The following RNASEH1 variants were observed in gnomAD, a reference collection of about 807,000 sequenced individuals.
The protein encoded by RNASEH1 is ribonuclease H1.
RNASEH1 carries 27 observed loss-of-function variants against 34.6 expected under a neutral mutation model. The ratio of observed to expected loss-of-function variants is 0.78; its 90% CI spans 0.58 to 1.08. RNASEH1 has a LOEUF of 1.08. Ranked by LOEUF, RNASEH1 falls within the 50% of genes least tolerant of loss-of-function variation. The pLI is 0.00. For missense variants in RNASEH1, 349 were observed against 373.6 expected, an observed-to-expected ratio of 0.93 and a Z score of 0.54; for synonymous variants, 162 against 138.4, an observed-to-expected ratio of 1.17 and a Z score of -1.20.
rs1668689267 is a variant in RNASEH1, at chr2:3,545,769, ACT to A, written c.*14_*15del. On this transcript the variant is annotated 3_prime_UTR_variant, in exon 8 of 8. Coordinates refer to ENST00000315212, the MANE Select transcript of RNASEH1 (RefSeq NM_002936.6). ...GCCGCTGGCTCAAGTTCTCCCAAGG[ACT>A]AAAGTCACATGGCTCAGTCTTCCGA... The A allele has an allele frequency of 6.3e-7, 1 of 1,590,366 alleles. No homozygotes were observed. Among genetic ancestry groups the A allele is most frequent in the South Asian group, 1.1e-5 (1 of 90,632 alleles).
chr2:3,550,142 TAAAAAAAA>T (rs1162099553), intron 4 of RNASEH1: 7 of 241,376 alleles, frequency 2.9e-5, no homozygotes, highest in African/African-American at 1.8e-4. Flanking sequence ...GACCGTGTCT[TAAAAAAAA>T]AAAAAAAAAA....
chr2:3,539,647 T>C (rs1163559472), downstream of RNASEH1, among the ~76,000 whole-genome samples: 1 of 152,170 alleles, frequency 6.6e-6, no homozygotes, highest in Non-Finnish European at 1.5e-5. Flanking sequence ...ACCACGATCA[T>C]TGCTACGTGT....
the RNASEH1 span, among the ~76,000 whole-genome samples, chr2:3,534,678 G>A: frequency 0.021 from 3,208 of 152,348 alleles, 109 homozygotes; most frequent in African/African-American, 0.073. Context: ...CAGCCCACTG[G>A]GCCGAATGTG....
At chr2:3,532,075 T>G in the RNASEH1 span, 13 of 589,636 alleles carry the variant, frequency 2.2e-5, 1 homozygote, top group Non-Finnish European at 3.6e-5. Flanking sequence ...GACAAAGAGA[T>G]AAGGAGAGGG....
At chr2:3,546,257 CACT>C (rs1432460289) in intron 7 of RNASEH1, among the ~76,000 whole-genome samples, 6 of 152,094 alleles carry the variant, frequency 3.9e-5, no homozygotes, top group Admixed American at 3.3e-4. Context: ...CTTATTTAAC[CACT>C]GTTTACATTT....
intron 2 of RNASEH1, among the ~76,000 whole-genome samples, chr2:3,552,928 A>G (rs528248933): frequency 6.6e-6 from 1 of 152,254 alleles, no homozygotes; most frequent in South Asian, 2.1e-4. Flanking sequence ...AAGAACCCCT[A>G]GGAGGGCTCA....
intron 7 of RNASEH1, among the ~76,000 whole-genome samples, chr2:3,547,551 G>A (rs142953961): frequency 2.9e-4 from 43 of 150,840 alleles, no homozygotes; most frequent in African/African-American, 1.0e-3. Context: ...GCAGTGGCGC[G>A]ATCTCAGCTC....
the RNASEH1 span, among the ~76,000 whole-genome samples, chr2:3,535,650 G>A: frequency 3.3e-5 from 5 of 151,006 alleles, no homozygotes; most frequent in African/African-American, 1.2e-4. Context: ...GGTGGGGACA[G>A]GGGGACACCT....
chr2:3,551,232 C>A (rs1044428368), intron 3 of RNASEH1, among the ~76,000 whole-genome samples: 1 of 152,196 alleles, frequency 6.6e-6, no homozygotes, highest in East Asian at 1.9e-4. Context: ...CTCACAGGAG[C>A]GGGGCTGAGA....
At chr2:3,532,373 C>A in the RNASEH1 span, 3 of 701,874 alleles carry the variant, frequency 4.3e-6, no homozygotes, top group Non-Finnish European at 7.8e-6. Context: ...CAGAGAGGGC[C>A]CGATCAGAAC....
At chr2:3,555,566 G>T (rs370603317) in intron 2 of RNASEH1, among the ~76,000 whole-genome samples, 1 of 152,164 alleles carries the variant, frequency 6.6e-6, no homozygotes, top group Admixed American at 6.5e-5. Context: ...GGATTGTTAC[G>T]ATGATTCGAA....
At position 3,548,617 on chromosome 2, in the gene RNASEH1, AG is replaced by A. The variant is rs752077031; in HGVS notation, c.649+22del. On this transcript the variant is annotated intron_variant, in intron 6 of 7. Transcript: ENST00000315212. ...CCTTCACAGTTACTGGAAAAACAGA[AG>A]AAATCAAATGTGAAAGCTTACCATT... The A allele has an allele frequency of 2.0e-5, 30 of 1,493,848 alleles. 1 individual carries two copies. In the Admixed American group the frequency reaches 4.4e-4, roughly 22 times the overall value. 92.5% of individuals were successfully genotyped at this position (1,493,848 alleles called of 1,614,324 possible). A position where few individuals can be genotyped will look rare whatever the true frequency, so the allele number is the denominator to read the frequency against.
chr2:3,539,242 T>C (rs928873031), downstream of RNASEH1, among the ~76,000 whole-genome samples: 15 of 152,216 alleles, frequency 9.9e-5, no homozygotes, highest in African/African-American at 3.6e-4. Flanking sequence ...GCTTTTAATA[T>C]ACACGAATCT....
chr2:3,537,507 G>T (rs947066861), downstream of RNASEH1, among the ~76,000 whole-genome samples: 1 of 152,146 alleles, frequency 6.6e-6, no homozygotes, highest in African/African-American at 2.4e-5. Context: ...AGAATTGCTT[G>T]AGCCCAGAAG....
chr2:3,535,780 C>T, the RNASEH1 span, among the ~76,000 whole-genome samples: 4 of 152,210 alleles, frequency 2.6e-5, no homozygotes, highest in Non-Finnish European at 4.4e-5. Flanking sequence ...TGGCTGCTAC[C>T]TGGAGAGGGA....
At chr2:3,532,280 A>C in the RNASEH1 span, 1 of 702,390 alleles carries the variant, frequency 1.4e-6, no homozygotes, top group Non-Finnish European at 2.6e-6. Context: ...CGTTTGACAA[A>C]GAAACAGTAG....
At chr2:3,545,904 C>T (rs374187564) in intron 7 of RNASEH1, 33 bp from the exon 8 acceptor site, 14 of 1,470,876 alleles carry the variant, frequency 9.5e-6, no homozygotes, top group Middle Eastern at 1.7e-4. Flanking sequence ...TTTATTTTTA[C>T]TCATCTTTAC....
At position 3,544,530 on chromosome 2, in the gene RNASEH1, A is replaced by G. The variant is rs1169269425; in HGVS notation, c.*1255T>C. ...AAAAACCAAGAAAGTCATTTCTGTA[A>G]AAGTCAGGATTACTTGTTGGGGCAA... On this transcript the variant is annotated 3_prime_UTR_variant, in exon 8 of 8. Transcript: ENST00000315212. Among the ~76,000 whole-genome samples the G allele has an allele frequency of 6.6e-6, 1 of 152,186 alleles. No homozygotes were observed. The highest frequency in any genetic ancestry group is 1.5e-5 in the Non-Finnish European group (1 of 68,038).
At chr2:3,557,687 T>C in intron 1 of RNASEH1, 1 of 431,982 alleles carries the variant, frequency 2.3e-6, no homozygotes, top group Non-Finnish European at 4.8e-6. Flanking sequence ...CCAAGGGTTG[T>C]TACAAGGATC....
Sources: allele counts gnomAD v4.1 joint callset (sites outside exome capture counted in the v4.1 genomes callset), GRCh38; gene constraint gnomAD v4.1.1; transcripts MANE v1.5; gene names NCBI Gene and HGNC (gene_info 2026-07-23, HGNC 2026-07-21).